Variants in GRB10 observed in about 807,000 individuals in gnomAD.
GRB10 encodes growth factor receptor-bound protein 10.
GRB10 carries 20 observed loss-of-function variants against 80.9 expected under a neutral mutation model. The observed-to-expected ratio is 0.25, with a 90% CI of 0.17 to 0.36. The LOEUF is 0.36. GRB10 is among the 10% of genes least tolerant of loss of function. The probability of loss-of-function intolerance (pLI) is 1.00; values close to 1 mark genes in which losing one functional copy is unlikely to be tolerated. For missense variants in GRB10, 548 were observed against 747.7 expected (o/e 0.73, Z 3.12); for synonymous variants, 291 against 291.5 (o/e 1.00, Z 0.02).
At chr7:50,712,003 A>G (rs1208678869) in intron 4 of GRB10, among the ~76,000 whole-genome samples, 5 of 152,130 alleles carry the variant, frequency 3.3e-5, no homozygotes, top group African/African-American at 9.7e-5. Flanking sequence ...ATCAGAGAAC[A>G]TGTCCTTAAC....
chr7:50,750,442 G>A (rs1003768137), intron 3 of GRB10, among the ~76,000 whole-genome samples: 2 of 152,122 alleles, frequency 1.3e-5, no homozygotes, highest in African/African-American at 4.8e-5. Context: ...AAGCAGGTGC[G>A]CACGCGGAGA....
At chr7:50,682,844 C>T (rs1321109734) in intron 5 of GRB10, among the ~76,000 whole-genome samples, 8 of 152,162 alleles carry the variant, frequency 5.3e-5, no homozygotes, top group East Asian at 1.9e-4. Context: ...TAAATCTCAA[C>T]GCTCACACTG....
Position 50,708,968 on chromosome 7 carries a change from C to T in GRB10, c.52-5060G>A, listed in dbSNP as rs532801079. On this transcript the variant is annotated intron_variant, in intron 4 of 18. Coordinates refer to ENST00000401949, the MANE Select transcript of GRB10 (RefSeq NM_001350814.2). ...GGATTACAGGCGTGAGCCACAGTAC[C>T]CAGCTGTGAGTCCGCTTTTTACTCA... 7.9e-4 allele frequency among the ~76,000 whole-genome samples: 121 copies of T among 152,274 alleles called. 1 individual carries two copies. Among genetic ancestry groups the T allele is most frequent in the African/African-American group, 2.8e-3 (115 of 41,562 alleles).
In GRB10 at chr7:50,591,668, AGTGTT is replaced by A. The variant is rs1382734995; in HGVS notation, c.*1279_*1283del. The A allele has an allele frequency of 1.3e-5, 2 of 152,236 alleles. No homozygotes were observed. The highest frequency in any genetic ancestry group is 4.8e-5 in the African/African-American group (2 of 41,444). 9.4% of individuals were successfully genotyped at this position (152,236 alleles called of 1,614,324 possible). A position where few individuals can be genotyped will look rare whatever the true frequency, so the allele number is the denominator to read the frequency against. ...GACTCATCTCCCGGAGCGGGGACAAAGTGTTGTGTTGACAAAACTCTTCCATGTCC... is the reference window on the plus strand; with the variant it reads ...GACTCATCTCCCGGAGCGGGGACAAAGTGTTGACAAAACTCTTCCATGTCC... On this transcript the variant is annotated 3_prime_UTR_variant, in exon 19 of 19. Coordinates refer to ENST00000401949, the MANE Select transcript of GRB10 (RefSeq NM_001350814.2).
At chr7:50,730,411 T>C (rs1265966313) in intron 4 of GRB10, among the ~76,000 whole-genome samples, 2 of 152,210 alleles carry the variant, frequency 1.3e-5, no homozygotes, top group Non-Finnish European at 2.9e-5. Context: ...TGGAGATTTA[T>C]CTAATTATTA....
At chr7:50,700,523 T>A (rs2064036505) in intron 5 of GRB10, among the ~76,000 whole-genome samples, 1 of 152,224 alleles carries the variant, frequency 6.6e-6, no homozygotes. Context: ...TTTCTGACTT[T>A]AATTTTTATA....
intron 17 of GRB10, among the ~76,000 whole-genome samples, chr7:50,597,435 C>G (rs1259433474): frequency 7.2e-6 from 1 of 138,470 alleles, no homozygotes; most frequent in African/African-American, 2.6e-5. Context: ...GTGCCCACCT[C>G]AAAGACTTGT....
chr7:50,606,541 A>G, intron 13 of GRB10, 127 bp from the exon 14 acceptor site: 1 of 739,258 alleles, frequency 1.4e-6, no homozygotes, highest in Non-Finnish European at 2.5e-6. Flanking sequence ...ACCAGCCTCC[A>G]GGAGCCTGAG....
chr7:50,765,116 AATAAG>A (rs2076199636), intron 2 of GRB10, among the ~76,000 whole-genome samples: 1 of 152,232 alleles, frequency 6.6e-6, no homozygotes, highest in Non-Finnish European at 1.5e-5. Flanking sequence ...TCAAAACCAC[AATAAG>A]ATATCATCTC....
At chr7:50,785,225 GC>G (rs1222177689), upstream of GRB10, among the ~76,000 whole-genome samples, 6 of 152,212 alleles carry the variant, frequency 3.9e-5, no homozygotes, top group Non-Finnish European at 8.8e-5. Flanking sequence ...ACAGTTAAAT[GC>G]TCACTCACAC....
chr7:50,703,124 C>A (rs778254618), intron 5 of GRB10, among the ~76,000 whole-genome samples: 7 of 152,226 alleles, frequency 4.6e-5, no homozygotes, highest in Non-Finnish European at 1.0e-4. Context: ...GCTTTGACTT[C>A]ATGGTCAGAT....
chr7:50,755,253 G>T (rs1389903987), intron 3 of GRB10, among the ~76,000 whole-genome samples: 1 of 152,170 alleles, frequency 6.6e-6, no homozygotes, highest in Non-Finnish European at 1.5e-5. Context: ...CCTGCCAACG[G>T]CACTGTAAGA....
chr7:50,595,602 TACACACACACAC>T (rs59746858), intron 17 of GRB10, 72 bp from the exon 18 acceptor site: 14 of 561,430 alleles, frequency 2.5e-5, no homozygotes, highest in East Asian at 3.9e-5. Context: ...CACACTCTCT[TACACACACACAC>T]ACACACACAC....
At chr7:50,618,273 CT>C in intron 9 of GRB10, 134 bp from the exon 10 acceptor site, 2 of 717,304 alleles carry the variant, frequency 2.8e-6, no homozygotes, top group Non-Finnish European at 4.9e-6. Context: ...AATGGCGGTC[CT>C]TTTTATTCTC....
rs745827381 is a variant in GRB10, at chr7:50,732,238, CGGGCCA to C, written c.51+28_51+33del. The C allele has an allele frequency of 4.4e-6, 7 of 1,608,226 alleles. No individual in the cohort carries two copies. The African/African-American group carries it at 9.4e-5, about 22-fold the overall frequency. ...TGCCCTGGCCCTCGACCAGCACCATCGGGCCAGGATCAGATATATGTGCTCGCCCAT... is the reference window on the plus strand; with the variant it reads ...TGCCCTGGCCCTCGACCAGCACCATCGGATCAGATATATGTGCTCGCCCAT... On this transcript the variant is annotated intron_variant, in intron 4 of 18. Transcript: ENST00000401949.
chr7:50,624,312 T>C (rs1364630300), intron 8 of GRB10, among the ~76,000 whole-genome samples: 1 of 152,170 alleles, frequency 6.6e-6, no homozygotes, highest in Non-Finnish European at 1.5e-5. Context: ...ATACCATCCA[T>C]GATAAAGAAG....
chr7:50,636,232 G>A (rs1294924053), intron 7 of GRB10, among the ~76,000 whole-genome samples: 1 of 152,068 alleles, frequency 6.6e-6, no homozygotes, highest in Non-Finnish European at 1.5e-5. Context: ...ACCCACCTCA[G>A]CCTCCCAAAG....
Position 50,656,433 on chromosome 7 carries a change from G to A in GRB10, c.504+13289C>T, listed in dbSNP as rs1471231125. ...TCTAAGCTCATAAGGTCAGAGACCC[G>A]ATGTGGTGACTATGCAGTAGCCTAT... On this transcript the variant is annotated intron_variant, in intron 7 of 18. Transcript: ENST00000401949. 3.3e-5 allele frequency among the ~76,000 whole-genome samples: 5 copies of A among 152,298 alleles called. No individual in the cohort carries two copies. The East Asian group carries it at 9.6e-4, about 29-fold the overall frequency.
rs377381310 is a variant in GRB10, at chr7:50,647,981, AG to A, written c.505-21004del. Among the ~76,000 whole-genome samples, 13 of 152,302 alleles carry A rather than the reference AG, an allele frequency of 8.5e-5. No homozygotes were observed. In the East Asian group the frequency reaches 1.9e-3, roughly 23 times the overall value. On this transcript the variant is annotated intron_variant, in intron 7 of 18. Coordinates refer to ENST00000401949, the MANE Select transcript of GRB10 (RefSeq NM_001350814.2). ...CTGACTTTGGACCTGTTGCGTTGGCAGTGTCTTTTAAGCACCCACATGGAGG... is the reference window on the plus strand; with the variant it reads ...CTGACTTTGGACCTGTTGCGTTGGCATGTCTTTTAAGCACCCACATGGAGG...
Sources: allele counts gnomAD v4.1 joint callset (sites outside exome capture counted in the v4.1 genomes callset), GRCh38; gene constraint gnomAD v4.1.1; transcripts MANE v1.5; gene names NCBI Gene and HGNC (gene_info 2026-07-23, HGNC 2026-07-21).